The following FYB1 variants were observed in gnomAD, a reference collection of about 807,000 sequenced individuals.
FYB1 encodes the protein FYN binding protein 1.
FYB1 carries 41 observed loss-of-function variants against 94.1 expected under a neutral mutation model. The observed-to-expected ratio is 0.44, with a 90% CI of 0.34 to 0.57. FYB1 has a LOEUF of 0.57. FYB1 is among the 20% of genes least tolerant of loss of function. FYB1 has a pLI of 0.02. For synonymous variants in FYB1, 367 were observed against 353.2 expected, an observed-to-expected ratio of 1.04 and a Z score of -0.44; for missense variants, 1,050 against 976.8, an observed-to-expected ratio of 1.07 and a Z score of -1.00.
intron 1 of FYB1, among the ~76,000 whole-genome samples, chr5:39,257,347 C>A (rs1361244003): frequency 6.6e-6 from 1 of 151,634 alleles, no homozygotes. Flanking sequence ...AAGAGAAATA[C>A]CCTTTAAATA....
At chr5:39,158,138 A>G (rs773390703) in intron 2 of FYB1, among the ~76,000 whole-genome samples, 2 of 152,240 alleles carry the variant, frequency 1.3e-5, no homozygotes, top group East Asian at 1.9e-4. Context: ...TGAAATTGCA[A>G]TATCTTCTAG....
chr5:39,148,510 A>T (rs1742975476), intron 3 of FYB1, among the ~76,000 whole-genome samples: 1 of 143,148 alleles, frequency 7.0e-6, no homozygotes, highest in Non-Finnish European at 1.5e-5. Flanking sequence ...TCTCTGGAAC[A>T]TGTCTTCCTA....
At chr5:39,168,363 A>T (rs1744930594) in intron 2 of FYB1, among the ~76,000 whole-genome samples, 1 of 152,192 alleles carries the variant, frequency 6.6e-6, no homozygotes, top group Non-Finnish European at 1.5e-5. Flanking sequence ...AGCCTGAGAC[A>T]AGTAAAGGTG....
upstream of FYB1, among the ~76,000 whole-genome samples, chr5:39,220,527 A>G (rs1217735890): frequency 6.6e-6 from 1 of 152,128 alleles, no homozygotes; most frequent in Admixed American, 6.5e-5. Flanking sequence ...AAAAGAAAAG[A>G]AACCCCCCAA....
upstream of FYB1, among the ~76,000 whole-genome samples, chr5:39,220,478 T>G (rs182944717): frequency 0.015 from 1,948 of 126,424 alleles, 37 homozygotes; most frequent in African/African-American, 0.05. Flanking sequence ...AGAAAGAAAC[T>G]CAAAAAAGAA....
intron 1 of FYB1, among the ~76,000 whole-genome samples, chr5:39,253,040 T>C (rs1751793075): frequency 6.6e-6 from 1 of 152,214 alleles, no homozygotes; most frequent in Admixed American, 6.5e-5. Context: ...CTCAGGACAA[T>C]GCTATGCTTA....
intron 1 of FYB1, among the ~76,000 whole-genome samples, chr5:39,205,629 G>A (rs1281445307): frequency 1.3e-5 from 2 of 152,292 alleles, no homozygotes; most frequent in South Asian, 2.1e-4. Flanking sequence ...CAAACTCAAT[G>A]TCCTGGCTTT....
intron 1 of FYB1, among the ~76,000 whole-genome samples, chr5:39,265,803 C>T (rs1752415009): frequency 6.6e-6 from 1 of 152,168 alleles, no homozygotes; most frequent in South Asian, 2.1e-4. Context: ...GTGTTGTTCA[C>T]CCTGCATTCC....
intron 3 of FYB1, among the ~76,000 whole-genome samples, chr5:39,147,365 G>A (rs1742750874): frequency 6.6e-6 from 1 of 151,564 alleles, no homozygotes; most frequent in Admixed American, 6.6e-5. Flanking sequence ...GACCTCTCAG[G>A]CTCGGGGATC....
intron 6 of FYB1, 200 bp downstream of exon 6, chr5:39,138,457 T>C (rs759720436): frequency 4.4e-5 from 20 of 450,756 alleles, no homozygotes; most frequent in Non-Finnish European, 6.8e-5. Context: ...ACACAATAGC[T>C]TTTTAACAGA....
intron 2 of FYB1, among the ~76,000 whole-genome samples, chr5:39,180,089 A>G (rs1202563852): frequency 6.6e-6 from 1 of 152,206 alleles, no homozygotes; most frequent in Non-Finnish European, 1.5e-5. Context: ...ACAGAGACGT[A>G]ACTGTCTCAT....
intron 2 of FYB1, among the ~76,000 whole-genome samples, chr5:39,164,981 G>T (rs552879620): frequency 6.6e-6 from 1 of 152,178 alleles, no homozygotes; most frequent in Non-Finnish European, 1.5e-5. Context: ...TGTTCTTAGC[G>T]TGACTCAAAG....
In FYB1 at chr5:39,106,561, T is replaced by C. The variant is rs537318359; in HGVS notation, c.*882A>G. On this transcript the variant is annotated 3_prime_UTR_variant, in exon 19 of 19. Coordinates refer to ENST00000512982, the MANE Select transcript of FYB1 (RefSeq NM_001465.6). ...AAAAAGAGAAAAAAAAATCTAGCGG[T>C]AATTGAAACAAAAACAAAAACTTTA... The C allele has an allele frequency of 1.4e-4, 22 of 152,142 alleles. No individual in the cohort carries two copies. Among genetic ancestry groups the C allele is most frequent in the Middle Eastern group, 3.4e-3 (1 of 294 alleles). 9.4% of individuals were successfully genotyped at this position (152,142 alleles called of 1,614,324 possible). A position where few individuals can be genotyped will look rare whatever the true frequency, so the allele number is the denominator to read the frequency against.
intron 2 of FYB1, among the ~76,000 whole-genome samples, chr5:39,174,253 T>C (rs12652462): frequency 0.13 from 20,088 of 152,096 alleles, 2,567 homozygotes; most frequent in East Asian, 0.54. Flanking sequence ...TCTGCTAGAA[T>C]GTTGTTGGTA....
In FYB1 at chr5:39,202,455, G is replaced by A. The variant is rs757886197; in HGVS notation, c.506C>T (p.Ala169Val). The change falls in exon 2 of 19, where the codon GCG becomes GTG. Residue 169 changes from alanine (A) to valine (V), a missense_variant. Physicochemically the swap from Ala to Val is moderately conservative, Grantham distance 64. Transcript: ENST00000512982. ...PPTSENEQKQ[A>V]FPKLTGVKGK... ...TTTAACCCCAGTCAATTTGGGAAAC[G>A]CTTGCTTCTGTTCATTTTCTGAGGT... 47 of 1,613,772 alleles carry A rather than the reference G, an allele frequency of 2.9e-5. No homozygotes were observed. The highest frequency in any genetic ancestry group is 3.3e-4 in the Middle Eastern group (2 of 6,082).
intron 1 of FYB1, among the ~76,000 whole-genome samples, chr5:39,228,796 AGCAAGATCTCT>A (rs1193036109): frequency 6.6e-6 from 1 of 152,210 alleles, no homozygotes; most frequent in Non-Finnish European, 1.5e-5. Context: ...GAGCTAATAA[AGCAAGATCTCT>A]GACTTATGAT....
intron 1 of FYB1, among the ~76,000 whole-genome samples, chr5:39,270,406 C>A (rs1054049852): frequency 9.9e-5 from 15 of 152,182 alleles, no homozygotes; most frequent in African/African-American, 2.2e-4. Context: ...CTGGCATGAA[C>A]AAGACTCAGC....
upstream of FYB1, among the ~76,000 whole-genome samples, chr5:39,220,727 G>A (rs1417608599): frequency 1.3e-5 from 2 of 152,172 alleles, no homozygotes; most frequent in African/African-American, 2.4e-5. Context: ...TCTTACAGAC[G>A]TTATGCCAGA....
chr5:39,109,895 T>C (rs895838085), intron 17 of FYB1, among the ~76,000 whole-genome samples: 1 of 152,252 alleles, frequency 6.6e-6, no homozygotes, highest in South Asian at 2.1e-4. Flanking sequence ...AGTACTCTAC[T>C]ATGCCTAGTG....
Sources: gnomAD v4.1 joint callset for allele counts (sites outside exome capture counted in the v4.1 genomes callset) on GRCh38, gnomAD v4.1.1 for gene constraint, MANE v1.5 for transcripts, NCBI Gene and HGNC (gene_info 2026-07-23, HGNC 2026-07-21) for gene names.